Variants in FLYWCH2 observed in about 807,000 individuals in gnomAD.
The protein encoded by FLYWCH2 is FLYWCH family member 2.
A neutral mutation model predicts 6.0 loss-of-function variants in FLYWCH2; 2 were observed. That is an observed-to-expected ratio of 0.33 (90% CI 0.14 to 1.04). FLYWCH2 has a LOEUF of 1.04. Among genes scored for constraint, FLYWCH2 ranks in the 50% least tolerant of loss-of-function variants. The probability of loss-of-function intolerance (pLI) is 0.45; values close to 1 mark genes in which losing one functional copy is unlikely to be tolerated. For missense variants in FLYWCH2, 192 were observed against 183.4 expected, an observed-to-expected ratio of 1.05 and a Z score of -0.27; for synonymous variants, 87 against 79.3, an observed-to-expected ratio of 1.10 and a Z score of -0.52.
chr16:2,898,659 C>T (rs1412617354), intron 3 of FLYWCH2: 3 of 175,236 alleles, frequency 1.7e-5, no homozygotes, highest in East Asian at 3.3e-4. Context: ...CAGCCATCTT[C>T]GCCAGATGAA....
intron 3 of FLYWCH2, among the ~76,000 whole-genome samples, chr16:2,897,621 A>G (rs2069838718): frequency 6.6e-6 from 1 of 152,174 alleles, no homozygotes; most frequent in African/African-American, 2.4e-5. Flanking sequence ...CAGAGATGGG[A>G]TGAGAGCAGG....
chr16:2,892,354 G>C (rs1257572966), intron 1 of FLYWCH2, among the ~76,000 whole-genome samples: 3 of 151,496 alleles, frequency 2.0e-5, no homozygotes, highest in Non-Finnish European at 4.4e-5. Flanking sequence ...AAATTAGCCG[G>C]GCATGGTGGT....
chr16:2,897,046 G>T, intron 3 of FLYWCH2: 1 of 549,344 alleles, frequency 1.8e-6, no homozygotes, highest in African/African-American at 1.9e-5. Context: ...GTCTGAGGGT[G>T]CGGCGGGGCC....
chr16:2,886,433 C>G (rs1373136687), intron 1 of FLYWCH2, among the ~76,000 whole-genome samples: 1 of 150,224 alleles, frequency 6.7e-6, no homozygotes, highest in East Asian at 1.9e-4. Context: ...ATCTCGAACT[C>G]CTGACCTCAG....
At chr16:2,886,647 G>A (rs944817797) in intron 1 of FLYWCH2, among the ~76,000 whole-genome samples, 1 of 143,494 alleles carries the variant, frequency 7.0e-6, no homozygotes, top group Non-Finnish European at 1.5e-5. Context: ...TCAGCCTCCT[G>A]AGTAGCTGGG....
Position 2,887,878 on chromosome 16 carries a change from G to A in FLYWCH2, c.-200+4512G>A, listed in dbSNP as rs748253782. Among the ~76,000 whole-genome samples the A allele has an allele frequency of 4.6e-5, 7 of 152,012 alleles. 1 individual carries two copies. The highest frequency in any genetic ancestry group is 1.9e-4 in the East Asian group (1 of 5,162). On this transcript the variant is annotated intron_variant, in intron 1 of 3. Transcript: ENST00000396958. ...CACCACGCCTGGCCCAACATTTGTCGTTAAGACTATTTTCCCTCCACAGAA... is the reference window on the plus strand; with the variant it reads ...CACCACGCCTGGCCCAACATTTGTCATTAAGACTATTTTCCCTCCACAGAA...
intron 2 of FLYWCH2, 28 bp from the exon 3 acceptor site, chr16:2,896,324 A>G (rs111441980): frequency 0.1 from 126,674 of 1,259,736 alleles, 7,139 homozygotes; most frequent in African/African-American, 0.16. Context: ...GGCTTCCACC[A>G]CTGACGGGAT....
At chr16:2,890,238 T>TTTTTTTTTTTTTG (rs1567303880) in intron 1 of FLYWCH2, among the ~76,000 whole-genome samples, 2 of 128,180 alleles carry the variant, frequency 1.6e-5, no homozygotes, top group African/African-American at 5.8e-5. Flanking sequence ...GTTTTTTTTT[T>TTTTTTTTTTTTTG]TTTGTTTTTG....
intron 1 of FLYWCH2, among the ~76,000 whole-genome samples, chr16:2,891,565 C>T (rs970966747): frequency 7.9e-5 from 12 of 151,972 alleles, no homozygotes; most frequent in African/African-American, 2.7e-4. Context: ...CCACCACGCC[C>T]GTCTAATTTT....
chr16:2,898,964 A>T, intron 3 of FLYWCH2, 85 bp from the exon 4 acceptor site: 1 of 1,039,106 alleles, frequency 9.6e-7, no homozygotes, highest in African/African-American at 1.6e-5. Context: ...TTGGGGTGAG[A>T]GTGAGGCCTG....
In FLYWCH2 at chr16:2,894,489, C is replaced by T. The variant is rs375597412; in HGVS notation, c.-199-731C>T. Reference sequence around the variant, plus strand: ...AAGCAGGGCGCTATGTGGTTGGGGCCTCCCGTAACTCTTTACGGCCCCAGA... The same window carrying T: ...AAGCAGGGCGCTATGTGGTTGGGGCTTCCCGTAACTCTTTACGGCCCCAGA... On this transcript the variant is annotated intron_variant, in intron 1 of 3. Coordinates refer to ENST00000396958, the MANE Select transcript of FLYWCH2 (RefSeq NM_138439.3). 6.3e-4 allele frequency among the ~76,000 whole-genome samples: 96 copies of T among 152,302 alleles called. No individual in the cohort carries two copies. In the East Asian group the frequency reaches 0.016, roughly 25 times the overall value.
chr16:2,897,277 G>A (rs1000124235), intron 3 of FLYWCH2, among the ~76,000 whole-genome samples: 4 of 152,136 alleles, frequency 2.6e-5, no homozygotes, highest in Admixed American at 1.3e-4. Flanking sequence ...GCAGACTAAG[G>A]CAGTGACCTC....
At chr16:2,890,624 C>T (rs916481075) in intron 1 of FLYWCH2, among the ~76,000 whole-genome samples, 2 of 151,462 alleles carry the variant, frequency 1.3e-5, no homozygotes, top group African/African-American at 4.8e-5. Flanking sequence ...GAGGTTTCAC[C>T]GTGTTGGCCA....
chr16:2,894,993 C>G (rs969603392), intron 1 of FLYWCH2, among the ~76,000 whole-genome samples: 4 of 152,140 alleles, frequency 2.6e-5, no homozygotes, highest in African/African-American at 4.8e-5. Flanking sequence ...TGCCTGGGTC[C>G]TGGACAGGGG....
At chr16:2,883,606 C>G (rs910078370) in intron 1 of FLYWCH2, among the ~76,000 whole-genome samples, 2 of 152,176 alleles carry the variant, frequency 1.3e-5, no homozygotes, top group South Asian at 2.1e-4. Flanking sequence ...GAGGTCCGCA[C>G]TCGCCCGCCG....
intron 1 of FLYWCH2, among the ~76,000 whole-genome samples, chr16:2,894,528 C>A (rs2069795556): frequency 6.6e-6 from 1 of 152,192 alleles, no homozygotes; most frequent in African/African-American, 2.4e-5. Flanking sequence ...GCCCCCAGGT[C>A]CCCGGCATCC....
intron 3 of FLYWCH2, among the ~76,000 whole-genome samples, chr16:2,898,031 C>A (rs759138793): frequency 1.3e-5 from 2 of 152,152 alleles, no homozygotes; most frequent in African/African-American, 2.4e-5. Context: ...GCCTGGCAGC[C>A]CATTGTGAGA....
intron 1 of FLYWCH2, among the ~76,000 whole-genome samples, chr16:2,884,093 C>T (rs1338766318): frequency 6.6e-6 from 1 of 152,140 alleles, no homozygotes; most frequent in African/African-American, 2.4e-5. Flanking sequence ...CTGTGGACTG[C>T]GTGGAGCAGT....
In FLYWCH2 at chr16:2,899,345, G is replaced by A. The variant is rs1283965190; in HGVS notation, c.*196G>A. On this transcript the variant is annotated 3_prime_UTR_variant, in exon 4 of 4. Transcript: ENST00000396958. ...ATACTTTCAAACAAGAATAAAAGAA[G>A]CTGTTCGCTAGACCCCATAATGGGC... The A allele has an allele frequency of 2.0e-6, 1 of 494,814 alleles. No individual in the cohort carries two copies. Among genetic ancestry groups the A allele is most frequent in the African/African-American group, 2.1e-5 (1 of 48,214 alleles). 30.7% of individuals were successfully genotyped at this position (494,814 alleles called of 1,614,324 possible). A position where few individuals can be genotyped will look rare whatever the true frequency, so the allele number is the denominator to read the frequency against.
Sources: allele counts gnomAD v4.1 joint callset (sites outside exome capture counted in the v4.1 genomes callset), GRCh38; gene constraint gnomAD v4.1.1; transcripts MANE v1.5; gene names NCBI Gene and HGNC (gene_info 2026-07-23, HGNC 2026-07-21).